RIMBP2: variants seen among roughly 807,000 people sequenced by gnomAD.
The protein encoded by RIMBP2 is RIMS-binding protein 2.
In RIMBP2, 48 loss-of-function variants were observed where a neutral mutation model predicts 118.6. That is an observed-to-expected ratio of 0.40 (90% CI 0.32 to 0.51). RIMBP2 has a LOEUF of 0.51. RIMBP2 is among the 20% of genes least tolerant of loss of function. The pLI is 0.41. For synonymous variants in RIMBP2, 762 were observed against 742.9 expected, an observed-to-expected ratio of 1.03 and a Z score of -0.42; for missense variants, 1,551 against 1,768.3, an observed-to-expected ratio of 0.88 and a Z score of 2.20.
At chr12:130,630,719 A>G (rs536923056) in intron 1 of RIMBP2, among the ~76,000 whole-genome samples, 2 of 152,174 alleles carry the variant, frequency 1.3e-5, no homozygotes, top group East Asian at 3.8e-4. Context: ...AAAGGAAAAA[A>G]ATGGGTTAGG....
Position 130,683,762 on chromosome 12 carries a change from G to A in RIMBP2, c.-352+32460C>T, listed in dbSNP as rs892096748. On this transcript the variant is annotated intron_variant, in intron 1 of 22. Coordinates refer to ENST00000690449, the MANE Select transcript of RIMBP2 (RefSeq NM_001393629.1). The surrounding 1 kb of genome is among the most constrained non-coding windows in gnomAD (Gnocchi z 4.4). ...TTTACAAACGCCATGGCAATGTCAG[G>A]AAGTTACCCTATATGGTCTAGAAAG... Among the ~76,000 whole-genome samples, 3 of 152,148 alleles carry A rather than the reference G, an allele frequency of 2.0e-5. No homozygotes were observed. Among genetic ancestry groups the A allele is most frequent in the African/African-American group, 7.2e-5 (3 of 41,424 alleles).
chr12:130,595,245 C>A (rs1367784954), intron 2 of RIMBP2, among the ~76,000 whole-genome samples: 1 of 152,160 alleles, frequency 6.6e-6, no homozygotes, highest in Non-Finnish European at 1.5e-5. Context: ...GGCTGCCCTG[C>A]AGCTAAACTC....
In RIMBP2 at chr12:130,406,165, A is replaced by AACTT. The variant is rs1349075508; in HGVS notation, c.3765+3_3765+6dup. The AACTT allele has an allele frequency of 6.7e-7, 1 of 1,483,740 alleles. No individual in the cohort carries two copies. The highest frequency in any genetic ancestry group is 9.4e-7 in the Non-Finnish European group (1 of 1,065,960). 91.9% of individuals were successfully genotyped at this position (1,483,740 alleles called of 1,614,324 possible). On this transcript the variant is annotated splice_region_variant and intron_variant, in intron 21 of 22. Transcript: ENST00000690449. Reference sequence around the variant, plus strand: ...AAATGGTACTTCTTGATATTTCAAAAACTTACATAATAAAATCCATCTTCA... The same window carrying AACTT: ...AAATGGTACTTCTTGATATTTCAAAAACTTACTTACATAATAAAATCCATCTTCA...
intron 2 of RIMBP2, among the ~76,000 whole-genome samples, chr12:130,592,252 G>A (rs2059314539): frequency 6.6e-6 from 1 of 152,208 alleles, no homozygotes; most frequent in South Asian, 2.1e-4. Flanking sequence ...ATCAGCCCTG[G>A]CGGGTGTTTC....
chr12:130,521,199 G>T (rs1257896447), intron 2 of RIMBP2, among the ~76,000 whole-genome samples: 1 of 152,202 alleles, frequency 6.6e-6, no homozygotes, highest in African/African-American at 2.4e-5. Context: ...ACACAGGGAG[G>T]TGGACACTAC....
At chr12:130,520,178 A>AT (rs1430455963) in intron 2 of RIMBP2, among the ~76,000 whole-genome samples, 12 of 152,182 alleles carry the variant, frequency 7.9e-5, no homozygotes, top group African/African-American at 2.9e-4. Flanking sequence ...TTTATATTCC[A>AT]TCTCAGTGAT....
At chr12:130,402,970 A>G (rs764718616) in intron 21 of RIMBP2, among the ~76,000 whole-genome samples, 30 of 152,228 alleles carry the variant, frequency 2.0e-4, no homozygotes, top group Non-Finnish European at 3.7e-4. Context: ...GATGTAAATT[A>G]TGAAATAGCA....
Position 130,447,690 on chromosome 12 carries a change from AGCTG to A in RIMBP2, c.582-2425_582-2422del, listed in dbSNP as rs1344381847. On this transcript the variant is annotated intron_variant, in intron 9 of 22. Coordinates refer to ENST00000690449, the MANE Select transcript of RIMBP2 (RefSeq NM_001393629.1). The surrounding 1 kb of genome is among the most constrained non-coding windows in gnomAD (Gnocchi z 4.4). ...TGCAGTGAGGACCATCTCTCCGTAC[AGCTG>A]GCGAAAGGAAGGATGGTGATGAATG... is the stretch of plus-strand genomic sequence containing the variant. Among the ~76,000 whole-genome samples the A allele has an allele frequency of 1.3e-5, 2 of 152,180 alleles. No homozygotes were observed. The highest frequency in any genetic ancestry group is 4.8e-5 in the African/African-American group (2 of 41,440).
In RIMBP2 at chr12:130,677,425, C is replaced by T. The variant is rs994160560; in HGVS notation, c.-352+38797G>A. Among the ~76,000 whole-genome samples the T allele has an allele frequency of 6.6e-5, 10 of 152,122 alleles. No individual in the cohort carries two copies. In the East Asian group the frequency reaches 1.7e-3, roughly 26 times the overall value. ...GGCAGATCACCTGAGGTCAGGAGTT[C>T]GAGACCAGCCTGGCCAACATGGCGA... is the stretch of plus-strand genomic sequence containing the variant. On this transcript the variant is annotated intron_variant, in intron 1 of 22. Coordinates refer to ENST00000690449, the MANE Select transcript of RIMBP2 (RefSeq NM_001393629.1).
intron 1 of RIMBP2, among the ~76,000 whole-genome samples, chr12:130,682,531 C>G (rs2064842913): frequency 6.6e-6 from 1 of 152,236 alleles, no homozygotes; most frequent in Non-Finnish European, 1.5e-5. Context: ...CACGGCGCAC[C>G]AGGGGTGTTT....
chr12:130,643,900 C>T lies in RIMBP2; in HGVS notation c.-351-15444G>A, dbSNP rs559017075. On this transcript the variant is annotated intron_variant, in intron 1 of 22. Transcript: ENST00000690449. Reference sequence around the variant, plus strand: ...GTCTGCGAGGGGCAGCGATTTTAGACAGTGTGGTCAAGGTGGGCCCCCCAA... The same window carrying T: ...GTCTGCGAGGGGCAGCGATTTTAGATAGTGTGGTCAAGGTGGGCCCCCCAA... Among the ~76,000 whole-genome samples the T allele has an allele frequency of 3.3e-5, 5 of 152,224 alleles. No individual in the cohort carries two copies. In the South Asian group the frequency reaches 1.0e-3, roughly 32 times the overall value.
rs965497135 is a variant in RIMBP2, at chr12:130,581,226, C to T, written c.-217+47096G>A. On this transcript the variant is annotated intron_variant, in intron 2 of 22. Transcript: ENST00000690449. This position sits in a 1 kb window ranked among gnomAD's most constrained non-coding sequence, Gnocchi z 4.4. Reference sequence around the variant, plus strand: ...CTCTGGGTCATCAACTGAAATGCCCCGTGGTCCCAGGTCACACAGGGGTGT... The same window carrying T: ...CTCTGGGTCATCAACTGAAATGCCCTGTGGTCCCAGGTCACACAGGGGTGT... Among the ~76,000 whole-genome samples, 3 of 152,044 alleles carry T rather than the reference C, an allele frequency of 2.0e-5. No individual in the cohort carries two copies. The highest frequency in any genetic ancestry group is 2.9e-5 in the Non-Finnish European group (2 of 68,002).
chr12:130,715,606 T>TCTGC (rs1255751192), intron 1 of RIMBP2, among the ~76,000 whole-genome samples: 1 of 152,152 alleles, frequency 6.6e-6, no homozygotes, highest in Non-Finnish European at 1.5e-5. Flanking sequence ...ACGCACACAC[T>TCTGC]CTGCCGGGGA....
At position 130,424,577 on chromosome 12, in the gene RIMBP2, C is replaced by G. The variant is rs1317691220; in HGVS notation, c.2694G>C (p.Glu898Asp). The G allele has an allele frequency of 8.1e-7, 1 of 1,231,986 alleles. No individual in the cohort carries two copies. The highest frequency in any genetic ancestry group is 1.0e-6 in the Non-Finnish European group (1 of 987,856). 76.3% of individuals were successfully genotyped at this position (1,231,986 alleles called of 1,614,324 possible). ...HRGSGAVPHV[E>D]DFLLEDRGCR... ...AGCCCCTGTCTTCCAGAAGGAAGTC[C>G]TCCACGTGGGGGACGGCCCCCGAGC... Residue 898 changes from glutamate (E) to aspartate (D), a missense_variant, in exon 16 of 23, where the codon GAG (glutamate) becomes GAC (aspartate). Glu to Asp is a conservative substitution (Grantham distance 45). Transcript: ENST00000690449. The surrounding 1 kb of genome is among the most constrained non-coding windows in gnomAD (Gnocchi z 9.8).
At chr12:130,438,344 A>ACCCCC in intron 12 of RIMBP2, 21 bp downstream of exon 12, 3 of 685,508 alleles carry the variant, frequency 4.4e-6, no homozygotes, top group Non-Finnish European at 6.8e-6. Flanking sequence ...AACCCTCCCC[A>ACCCCC]CCCACCCAAC....
intron 1 of RIMBP2, among the ~76,000 whole-genome samples, chr12:130,644,327 G>C (rs1352358782): frequency 1.3e-5 from 2 of 152,198 alleles, no homozygotes; most frequent in African/African-American, 4.8e-5. Context: ...TTCATGAGCT[G>C]CTCAGCTCTT....
At chr12:130,512,506 A>G (rs1401739460) in intron 3 of RIMBP2, among the ~76,000 whole-genome samples, 1 of 152,120 alleles carries the variant, frequency 6.6e-6, no homozygotes, top group Non-Finnish European at 1.5e-5. Flanking sequence ...TATTTTTAGT[A>G]GAGACAGGGT....
chr12:130,517,326 A>G (rs957558872), intron 3 of RIMBP2, among the ~76,000 whole-genome samples: 3 of 152,166 alleles, frequency 2.0e-5, no homozygotes, highest in African/African-American at 7.2e-5. Flanking sequence ...TCCTCACCAG[A>G]TGCAGCCCCT....
At chr12:130,472,630 A>G (rs1234306510) in intron 5 of RIMBP2, among the ~76,000 whole-genome samples, 2 of 152,214 alleles carry the variant, frequency 1.3e-5, no homozygotes, top group Non-Finnish European at 2.9e-5. Context: ...ACGATTCAAC[A>G]TCATAAATAA....
Sources: gnomAD v4.1 joint callset for allele counts (sites outside exome capture counted in the v4.1 genomes callset) on GRCh38, gnomAD v4.1.1 for gene constraint, Gnocchi (gnomAD v3.1) non-coding constraint, MANE v1.5 for transcripts, NCBI Gene and HGNC (gene_info 2026-07-23, HGNC 2026-07-21) for gene names.